The following PHF14 variants were observed in gnomAD, a reference collection of about 807,000 sequenced individuals.
The protein encoded by PHF14 is PHD finger protein 14.
PHF14 carries 55 observed loss-of-function variants against 117.9 expected under a neutral mutation model. That is an observed-to-expected ratio of 0.47 (90% confidence interval 0.38 to 0.58). The LOEUF (loss-of-function observed/expected upper bound fraction) is 0.58, where lower values mean the gene tolerates loss of function less well. Ranked by LOEUF, PHF14 falls within the 20% of genes least tolerant of loss-of-function variation. PHF14 has a pLI of 0.00. For missense variants in PHF14, 978 were observed against 1,122.2 expected, an observed-to-expected ratio of 0.87 and a Z score of 1.84; for synonymous variants, 409 against 368.6, an observed-to-expected ratio of 1.11 and a Z score of -1.26.
At chr7:11,027,576 T>C (rs1783968696) in intron 6 of PHF14, among the ~76,000 whole-genome samples, 1 of 152,102 alleles carries the variant, frequency 6.6e-6, no homozygotes, top group South Asian at 2.1e-4. Flanking sequence ...CTGAGAGGAT[T>C]TGCGGTAATT....
At chr7:11,160,707 T>G (rs1294199551) in intron 17 of PHF14, among the ~76,000 whole-genome samples, 2 of 152,156 alleles carry the variant, frequency 1.3e-5, no homozygotes, top group African/African-American at 4.8e-5. Context: ...TGTTGGCTGT[T>G]TGTATGTCTT....
chr7:11,063,422 G>GA (rs567330683), intron 16 of PHF14: 3 of 972,004 alleles, frequency 3.1e-6, no homozygotes, highest in Non-Finnish European at 3.7e-6. Flanking sequence ...TAAAAATAAA[G>GA]AAAAAAAATA....
intron 5 of PHF14, among the ~76,000 whole-genome samples, chr7:11,019,441 T>C (rs1457891624): frequency 6.6e-6 from 1 of 152,204 alleles, no homozygotes; most frequent in Non-Finnish European, 1.5e-5. Flanking sequence ...CTGTACAGGC[T>C]TTGGATTTCT....
chr7:11,067,928 C>T (rs1407130520), intron 16 of PHF14, among the ~76,000 whole-genome samples: 1 of 152,134 alleles, frequency 6.6e-6, no homozygotes, highest in Non-Finnish European at 1.5e-5. Context: ...AAGGATTCAT[C>T]TTCATGACGT....
intron 17 of PHF14, among the ~76,000 whole-genome samples, chr7:11,127,572 C>T (rs1017737055): frequency 2.0e-5 from 3 of 152,064 alleles, no homozygotes; most frequent in African/African-American, 7.2e-5. Context: ...ATCATCTAGT[C>T]CTTGTCCTCC....
At chr7:11,042,214 A>G (rs1784524647) in intron 12 of PHF14, among the ~76,000 whole-genome samples, 1 of 151,948 alleles carries the variant, frequency 6.6e-6, no homozygotes, top group Admixed American at 6.6e-5. Context: ...CTACATGTTG[A>G]AGACTGTTTG....
chr7:11,106,832 T>A, intron 16 of PHF14: 1 of 984,446 alleles, frequency 1.0e-6, no homozygotes, highest in Non-Finnish European at 1.2e-6. Context: ...TTTTTTTAAG[T>A]GGACAGACAT....
At chr7:10,979,375 G>C (rs1352807470) in intron 2 of PHF14, among the ~76,000 whole-genome samples, 4 of 151,930 alleles carry the variant, frequency 2.6e-5, no homozygotes, top group Admixed American at 2.0e-4. Flanking sequence ...GAGAGATTCT[G>C]ATATATTGTA....
Position 10,974,963 on chromosome 7 carries a change from TCTTCCCCTTTCCCAG to T in PHF14, c.112+22_112+36del, listed in dbSNP as rs768357326. 8.4e-7 allele frequency: 1 copy of T among 1,195,190 alleles called. No individual in the cohort carries two copies. Among genetic ancestry groups the T allele is most frequent in the Non-Finnish European group, 1.2e-6 (1 of 820,606 alleles). 74.0% of individuals were successfully genotyped at this position (1,195,190 alleles called of 1,614,324 possible). On this transcript the variant is annotated intron_variant, in intron 2 of 17. Transcript: ENST00000634607. ...TGCCTCAGGTAAATATTTCCTTCTC[TCTTCCCCTTTCCCAG>T]CTTTCTGGAGTTAGGCTTATTTTTA...
Position 11,131,086 on chromosome 7 carries a change from C to T in PHF14, c.2772+19619C>T, listed in dbSNP as rs143946541. Among the ~76,000 whole-genome samples, 37 of 151,722 alleles carry T rather than the reference C, an allele frequency of 2.4e-4. No individual in the cohort carries two copies. In the East Asian group the frequency reaches 5.8e-3, roughly 24 times the overall value. The stretch of plus-strand genomic sequence containing the variant: ...ACGTGTAAAATTTGTTTGTTTTGTA[C>T]ACAACAGTCTTGTTTGTTTCCAAGT... On this transcript the variant is annotated intron_variant, in intron 17 of 17. Coordinates refer to ENST00000634607, the MANE Select transcript of PHF14 (RefSeq NM_001007157.2).
chr7:11,026,938 G>A (rs1194146389), intron 6 of PHF14, among the ~76,000 whole-genome samples: 3 of 152,048 alleles, frequency 2.0e-5, no homozygotes, highest in Non-Finnish European at 2.9e-5. Context: ...GACTGGGACA[G>A]CCTTCTAGAC....
chr7:11,132,679 T>A (rs1209076890), intron 17 of PHF14, among the ~76,000 whole-genome samples: 5 of 151,840 alleles, frequency 3.3e-5, no homozygotes, highest in African/African-American at 4.8e-5. Context: ...AGTGTTTTTT[T>A]ATAATGGTAT....
At chr7:11,033,139 C>T (rs1784179238) in intron 7 of PHF14, among the ~76,000 whole-genome samples, 1 of 152,156 alleles carries the variant, frequency 6.6e-6, no homozygotes, top group South Asian at 2.1e-4. Context: ...CTTGAAAGCT[C>T]CATTTCTCCA....
At chr7:11,163,056 A>G (rs562680724) in intron 17 of PHF14, among the ~76,000 whole-genome samples, 5 of 152,296 alleles carry the variant, frequency 3.3e-5, no homozygotes, top group East Asian at 1.9e-4. Context: ...AATATTTACT[A>G]TTAATAAATA....
At chr7:11,072,449 T>C (rs1226674215) in intron 16 of PHF14, among the ~76,000 whole-genome samples, 1 of 152,188 alleles carries the variant, frequency 6.6e-6, no homozygotes, top group Admixed American at 6.5e-5. Flanking sequence ...ATATCAAGGT[T>C]TTAAACCTTC....
chr7:11,012,959 TA>T lies in PHF14; in HGVS notation c.1046-787del, dbSNP rs1213882183. Among the ~76,000 whole-genome samples, 4 of 152,318 alleles carry T rather than the reference TA, an allele frequency of 2.6e-5. No homozygotes were observed. In the East Asian group the frequency reaches 7.7e-4, roughly 29 times the overall value. On this transcript the variant is annotated intron_variant, in intron 4 of 17. Transcript: ENST00000634607. ...AGCTTTAGGTGCATAACTTTGCTTT[TA>T]CAATTGTATTATACCTGTTTGTATT...
intron 17 of PHF14, among the ~76,000 whole-genome samples, chr7:11,165,367 G>A (rs115069171): frequency 2.6e-5 from 4 of 152,216 alleles, no homozygotes; most frequent in African/African-American, 7.2e-5. Flanking sequence ...TCGTATCAGG[G>A]TGTTAATATA....
intron 16 of PHF14, among the ~76,000 whole-genome samples, chr7:11,098,281 T>C (rs1786951274): frequency 6.6e-6 from 1 of 152,202 alleles, no homozygotes; most frequent in Non-Finnish European, 1.5e-5. Flanking sequence ...TTAAAACATT[T>C]CTTGATCCAT....
chr7:10,996,300 C>G (rs913629252), intron 4 of PHF14, among the ~76,000 whole-genome samples: 1 of 152,172 alleles, frequency 6.6e-6, no homozygotes, highest in Non-Finnish European at 1.5e-5. Context: ...TGGTTTTAAA[C>G]TCTGTTTATG....
Sources: allele counts gnomAD v4.1 joint callset (sites outside exome capture counted in the v4.1 genomes callset), GRCh38; gene constraint gnomAD v4.1.1; transcripts MANE v1.5; gene names NCBI Gene and HGNC (gene_info 2026-07-23, HGNC 2026-07-21).